Variants in GABRA3 observed in about 807,000 individuals in gnomAD.
GABRA3 encodes gamma-aminobutyric acid type A receptor subunit alpha3.
GABRA3 carries 10 observed loss-of-function variants against 30.1 expected under a neutral mutation model. That is an observed-to-expected ratio of 0.33 (90% CI 0.20 to 0.56). The LOEUF is 0.56. Among genes scored for constraint, GABRA3 ranks in the 20% least tolerant of loss-of-function variants. GABRA3 has a pLI of 0.89. For synonymous variants in GABRA3, 151 were observed against 146.8 expected (o/e 1.03, Z -0.21); for missense variants, 233 against 392.0 (o/e 0.59, Z 3.42).
chrX:152,288,018 G>A (rs1939328673), intron 3 of GABRA3, among the ~76,000 whole-genome samples: 1 of 111,582 alleles, frequency 9.0e-6, no homozygotes, highest in Admixed American at 9.6e-5. Flanking sequence ...AAAGTGAACA[G>A]GTTAGAAATA....
At chrX:152,278,435 G>A (rs1603231990) in intron 4 of GABRA3, among the ~76,000 whole-genome samples, 1 of 111,013 alleles carries the variant, frequency 9.0e-6, no homozygotes, top group South Asian at 3.8e-4. Context: ...CAAAGGACAT[G>A]AACTCATCAG....
chrX:152,440,673 C>A (rs1326360757), intron 1 of GABRA3, among the ~76,000 whole-genome samples: 1 of 112,142 alleles, frequency 8.9e-6, no homozygotes, highest in African/African-American at 3.2e-5. Context: ...CCACAGAATA[C>A]TATGCAGCCA....
intron 1 of GABRA3, among the ~76,000 whole-genome samples, chrX:152,447,544 C>T (rs1931118902): frequency 8.9e-6 from 1 of 111,974 alleles, no homozygotes; most frequent in African/African-American, 3.2e-5. Flanking sequence ...TGTTAAGCCT[C>T]CTACTCTATG....
Position 152,312,421 on chromosome X carries a change from C to T in GABRA3, c.263-27686G>A, listed in dbSNP as rs1041095594. Reference sequence around the variant, plus strand: ...TATTTAATAAATTGTGCTGGGATAACTGGCTAGCCATATGCAGAAGATCGA... The same window carrying T: ...TATTTAATAAATTGTGCTGGGATAATTGGCTAGCCATATGCAGAAGATCGA... On this transcript the variant is annotated intron_variant, in intron 3 of 9. Transcript: ENST00000370314. Among the ~76,000 whole-genome samples, 5 of 112,102 alleles carry T rather than the reference C, an allele frequency of 4.5e-5. No individual in the cohort carries two copies. In the East Asian group the frequency reaches 8.4e-4, roughly 19 times the overall value.
intron 3 of GABRA3, among the ~76,000 whole-genome samples, chrX:152,317,478 A>G (rs1045038108): frequency 8.9e-6 from 1 of 111,961 alleles, no homozygotes; most frequent in Non-Finnish European, 1.9e-5. Flanking sequence ...CTTAACAGAT[A>G]TTTACAAAAC....
chrX:152,231,201 A>G (rs1429629287), intron 5 of GABRA3, among the ~76,000 whole-genome samples: 2 of 107,981 alleles, frequency 1.9e-5, no homozygotes, highest in African/African-American at 3.3e-5. Context: ...ATACACATAT[A>G]TATGTATATA....
At chrX:152,269,831 CAAT>C (rs775433497) in intron 4 of GABRA3, among the ~76,000 whole-genome samples, 3 of 111,730 alleles carry the variant, frequency 2.7e-5, no homozygotes, top group Non-Finnish European at 5.6e-5. Flanking sequence ...TCATCACACA[CAAT>C]AATAAAATCA....
intron 2 of GABRA3, among the ~76,000 whole-genome samples, chrX:152,360,643 C>A (rs1603247763): frequency 1.4e-5 from 1 of 69,357 alleles, no homozygotes; most frequent in Non-Finnish European, 2.5e-5. Flanking sequence ...CACATGTATA[C>A]ATATGTAACT....
chrX:152,279,250 C>T (rs1184411402), intron 4 of GABRA3, among the ~76,000 whole-genome samples: 3 of 112,012 alleles, frequency 2.7e-5, no homozygotes, highest in African/African-American at 9.7e-5. Flanking sequence ...TTAGGTCTAA[C>T]ATTTAAGTCT....
intron 2 of GABRA3, among the ~76,000 whole-genome samples, chrX:152,361,382 G>C (rs1005958427): frequency 3.2e-4 from 35 of 108,674 alleles, no homozygotes; most frequent in African/African-American, 1.1e-3. Context: ...AAACCAGCCT[G>C]ACCAACATGG....
intron 5 of GABRA3, among the ~76,000 whole-genome samples, chrX:152,227,417 G>C (rs906808174): frequency 5.0e-5 from 5 of 100,999 alleles, no homozygotes; most frequent in African/African-American, 1.8e-4. Flanking sequence ...AGCATTAGGA[G>C]ATATAACTAA....
At chrX:152,374,096 T>G (rs1928921111) in intron 1 of GABRA3, among the ~76,000 whole-genome samples, 1 of 111,141 alleles carries the variant, frequency 9.0e-6, no homozygotes, top group South Asian at 3.8e-4. Context: ...GTTGGCCACA[T>G]GAATGTCTTG....
At chrX:152,296,331 T>G (rs971382517) in intron 3 of GABRA3, among the ~76,000 whole-genome samples, 1 of 112,088 alleles carries the variant, frequency 8.9e-6, no homozygotes, top group Non-Finnish European at 1.9e-5. Context: ...CTAGAGTGCT[T>G]TGTTCTCACG....
chrX:152,315,705 G>A (rs779901969), intron 3 of GABRA3, among the ~76,000 whole-genome samples: 48 of 110,810 alleles, frequency 4.3e-4, no homozygotes, highest in African/African-American at 1.4e-3. Flanking sequence ...AGGGAGCTGG[G>A]TGAGGCCTGT....
At position 152,180,014 on chromosome X, in the gene GABRA3, A is replaced by G. The variant is rs141496079; in HGVS notation, c.1143+9716T>C. Among the ~76,000 whole-genome samples the G allele has an allele frequency of 6.5e-3, 727 of 112,001 alleles. 11 individuals are homozygous for G. The highest frequency in any genetic ancestry group is 0.022 in the African/African-American group (684 of 30,861). On this transcript the variant is annotated intron_variant, in intron 9 of 9. Coordinates refer to ENST00000370314, the MANE Select transcript of GABRA3 (RefSeq NM_000808.4). Reference sequence around the variant, plus strand: ...TATTGGCTTTTGTGAATAATGCTGTAATTATTATACAAGTACACATACTTC... The same window carrying G: ...TATTGGCTTTTGTGAATAATGCTGTGATTATTATACAAGTACACATACTTC...
At chrX:152,343,378 GAT>G (rs1940342843) in intron 3 of GABRA3, among the ~76,000 whole-genome samples, 1 of 108,477 alleles carries the variant, frequency 9.2e-6, no homozygotes, top group African/African-American at 3.4e-5. Context: ...GGTTGTTTAA[GAT>G]GGGAGAGTAA....
At chrX:152,289,928 T>A (rs1486335903) in intron 3 of GABRA3, among the ~76,000 whole-genome samples, 5 of 112,153 alleles carry the variant, frequency 4.5e-5, no homozygotes, top group African/African-American at 1.6e-4. Flanking sequence ...TGGTGGACAT[T>A]TGGGTTGGTT....
At chrX:152,435,797 A>G (rs1241083346) in intron 1 of GABRA3, among the ~76,000 whole-genome samples, 2 of 111,448 alleles carry the variant, frequency 1.8e-5, no homozygotes, top group African/African-American at 6.5e-5. Context: ...CAAAACAACT[A>G]CTAGAACTAG....
intron 1 of GABRA3, among the ~76,000 whole-genome samples, chrX:152,386,201 G>C (rs1405568166): frequency 9.3e-6 from 1 of 107,802 alleles, no homozygotes; most frequent in Non-Finnish European, 1.9e-5. Flanking sequence ...CCATTTTCAC[G>C]ATATTGATTC....
Sources: allele counts gnomAD v4.1 joint callset (sites outside exome capture counted in the v4.1 genomes callset), GRCh38; gene constraint gnomAD v4.1.1; transcripts MANE v1.5; gene names NCBI Gene and HGNC (gene_info 2026-07-23, HGNC 2026-07-21).